DPP6: variants seen among roughly 807,000 people sequenced by gnomAD.
DPP6 encodes the protein dipeptidyl peptidase like 6.
A neutral mutation model predicts 122.6 loss-of-function variants in DPP6; 69 were observed. The ratio of observed to expected loss-of-function variants is 0.56; its 90% CI spans 0.46 to 0.69. The LOEUF is 0.69. Ranked by LOEUF, DPP6 falls within the 30% of genes least tolerant of loss-of-function variation. The probability of loss-of-function intolerance (pLI) is 0.00; values close to 1 mark genes in which losing one functional copy is unlikely to be tolerated. For synonymous variants in DPP6, 418 were observed against 433.1 expected (o/e 0.97, Z 0.43); for missense variants, 928 against 1,116.9 (o/e 0.83, Z 2.41).
intron 7 of DPP6, among the ~76,000 whole-genome samples, chr7:154,708,376 G>T (rs1182235648): frequency 2.6e-5 from 4 of 152,162 alleles, no homozygotes; most frequent in Admixed American, 6.5e-5. Context: ...GTTCACCTAT[G>T]CTCCCGTCAG....
chr7:154,330,759 C>T (rs1388407967), intron 1 of DPP6, among the ~76,000 whole-genome samples: 2 of 152,196 alleles, frequency 1.3e-5, no homozygotes, highest in Non-Finnish European at 1.5e-5. Context: ...GGCAAGAAGT[C>T]GCCTGCGGTG....
At chr7:154,770,075 G>A (rs1341130246) in intron 9 of DPP6, among the ~76,000 whole-genome samples, 1 of 152,182 alleles carries the variant, frequency 6.6e-6, no homozygotes, top group African/African-American at 2.4e-5. Context: ...TCACTGGGAG[G>A]TGACAAGACA....
intron 1 of DPP6, among the ~76,000 whole-genome samples, chr7:153,890,233 A>G: frequency 6.6e-6 from 1 of 152,248 alleles, no homozygotes; most frequent in East Asian, 1.9e-4. Flanking sequence ...ATCTCAGTTC[A>G]GGGGACTCAA....
chr7:153,793,166 G>T, the DPP6 span, among the ~76,000 whole-genome samples: 1 of 152,122 alleles, frequency 6.6e-6, no homozygotes, highest in Non-Finnish European at 1.5e-5. Flanking sequence ...TGGGTAAGAG[G>T]CAGAGGTTGG....
chr7:154,682,324 C>T (rs1839329263), intron 7 of DPP6, among the ~76,000 whole-genome samples: 1 of 152,230 alleles, frequency 6.6e-6, no homozygotes, highest in Admixed American at 6.5e-5. Context: ...CTCAACAAGG[C>T]GAAAGGACCT....
At chr7:154,044,146 C>A (rs1455097412) in intron 1 of DPP6, among the ~76,000 whole-genome samples, 1 of 152,160 alleles carries the variant, frequency 6.6e-6, no homozygotes, top group Admixed American at 6.5e-5. Context: ...AGCCAATGGG[C>A]AATTTCGGTG....
intron 8 of DPP6, among the ~76,000 whole-genome samples, chr7:154,751,947 T>A (rs1433293372): frequency 6.6e-6 from 1 of 152,250 alleles, no homozygotes; most frequent in Non-Finnish European, 1.5e-5. Flanking sequence ...CTGATCCAGA[T>A]GCCAAGAGAG....
At chr7:154,036,019 CTTGT>C (rs1423440795) in intron 1 of DPP6, among the ~76,000 whole-genome samples, 4,575 of 148,208 alleles carry the variant, frequency 0.031, 284 homozygotes, top group African/African-American at 0.1. Flanking sequence ...CGCGCGCGCG[CTTGT>C]GTGTGTGTGT....
intron 5 of DPP6, among the ~76,000 whole-genome samples, chr7:154,599,782 G>C (rs1230235764): frequency 1.3e-5 from 2 of 150,904 alleles, no homozygotes; most frequent in East Asian, 3.9e-4. Flanking sequence ...TTGATTTTCT[G>C]TTCTTGCGAT....
chr7:154,181,984 C>T (rs1332656905), intron 1 of DPP6, among the ~76,000 whole-genome samples: 1 of 152,042 alleles, frequency 6.6e-6, no homozygotes, highest in Non-Finnish European at 1.5e-5. Context: ...GAACTCCTGA[C>T]CTCATGATCT....
intron 7 of DPP6, among the ~76,000 whole-genome samples, chr7:154,689,302 C>T (rs1264365393): frequency 6.6e-6 from 1 of 152,172 alleles, no homozygotes; most frequent in Non-Finnish European, 1.5e-5. Flanking sequence ...TTGGGAATGA[C>T]CTCGGTCATT....
In DPP6 at chr7:154,817,111, C is replaced by T. The variant is rs564749479; in HGVS notation, c.1666+9999C>T. Among the ~76,000 whole-genome samples, 11 of 152,270 alleles carry T rather than the reference C, an allele frequency of 7.2e-5. No homozygotes were observed. The South Asian group carries it at 1.0e-3, about 14-fold the overall frequency. ...CATAATTAACCAGGGGAAATGTCCACGAAGGTGCCATTAAGGTGTCCTGCA... is the reference window on the plus strand; with the variant it reads ...CATAATTAACCAGGGGAAATGTCCATGAAGGTGCCATTAAGGTGTCCTGCA... On this transcript the variant is annotated intron_variant, in intron 16 of 25. Coordinates refer to ENST00000377770, the MANE Select transcript of DPP6 (RefSeq NM_130797.4).
chr7:154,871,839 T>C (rs11768385), intron 18 of DPP6, among the ~76,000 whole-genome samples: 90,992 of 152,188 alleles, frequency 0.6, 28,028 homozygotes, highest in African/African-American at 0.77. Context: ...TAATCTGGGT[T>C]GTAGTTAACA....
At chr7:154,578,793 G>A (rs1178898705) in intron 5 of DPP6, among the ~76,000 whole-genome samples, 1 of 152,182 alleles carries the variant, frequency 6.6e-6, no homozygotes, top group Non-Finnish European at 1.5e-5. Flanking sequence ...TGTGCACAAA[G>A]GGAGTAAGTA....
rs1281553441 is a variant in DPP6, at chr7:154,307,996, A to G, written c.244-138218A>G. On this transcript the variant is annotated intron_variant, in intron 1 of 25. Coordinates refer to ENST00000377770, the MANE Select transcript of DPP6 (RefSeq NM_130797.4). ...TGCAAATCACCAAGTGTTGATTCTT[A>G]TGAGAAACTCACTGGCACCTCACAT... Among the ~76,000 whole-genome samples the G allele has an allele frequency of 2.6e-5, 4 of 151,856 alleles. No individual in the cohort carries two copies. In the East Asian group the frequency reaches 5.8e-4, roughly 22 times the overall value.
intron 7 of DPP6, among the ~76,000 whole-genome samples, chr7:154,671,557 G>T (rs1053002141): frequency 6.6e-6 from 1 of 152,156 alleles, no homozygotes; most frequent in Non-Finnish European, 1.5e-5. Flanking sequence ...AGTAGAGTTG[G>T]TACTTGTCCT....
At chr7:154,254,332 C>T (rs1442348988) in intron 1 of DPP6, among the ~76,000 whole-genome samples, 1 of 152,102 alleles carries the variant, frequency 6.6e-6, no homozygotes, top group African/African-American at 2.4e-5. Context: ...AAAGCCAAAT[C>T]TAAAGAATTT....
At chr7:154,510,920 A>G (rs1012897928) in intron 3 of DPP6, among the ~76,000 whole-genome samples, 1 of 129,408 alleles carries the variant, frequency 7.7e-6, no homozygotes, top group African/African-American at 3.0e-5. Flanking sequence ...ACTCTCTTAC[A>G]CATACACACA....
intron 1 of DPP6, among the ~76,000 whole-genome samples, chr7:154,310,944 T>A (rs1038079535): frequency 6.6e-6 from 1 of 152,110 alleles, no homozygotes; most frequent in African/African-American, 2.4e-5. Context: ...CCCTCTGTCA[T>A]TGAGAAAGAG....
Sources: allele counts gnomAD v4.1 joint callset (sites outside exome capture counted in the v4.1 genomes callset), GRCh38; gene constraint gnomAD v4.1.1; transcripts MANE v1.5; gene names NCBI Gene and HGNC (gene_info 2026-07-23, HGNC 2026-07-21).